Variants in PDZD2 observed in about 807,000 individuals in gnomAD.
PDZD2 encodes the protein PDZ domain-containing protein 2.
A neutral mutation model predicts 220.7 loss-of-function variants in PDZD2; 90 were observed. That is an observed-to-expected ratio of 0.41 (90% confidence interval 0.34 to 0.49). The LOEUF (loss-of-function observed/expected upper bound fraction) is 0.49, where lower values mean the gene tolerates loss of function less well. PDZD2 is among the 20% of genes least tolerant of loss of function. PDZD2 has a pLI of 0.28. For synonymous variants in PDZD2, 1,375 were observed against 1,450.5 expected, an observed-to-expected ratio of 0.95 and a Z score of 1.18; for missense variants, 3,174 against 3,608.5, an observed-to-expected ratio of 0.88 and a Z score of 3.08.
intron 2 of PDZD2, 78 bp downstream of exon 2, chr5:31,799,802 T>C: frequency 1.1e-6 from 1 of 905,794 alleles, no homozygotes; most frequent in Non-Finnish European, 1.8e-6. Context: ...GCTGCAGAGG[T>C]TTATGAATCC....
At position 31,890,135 on chromosome 5, in the gene PDZD2, A is replaced by ATTT. The variant is rs59916833; in HGVS notation, c.476+90428_476+90430dup. Among the ~76,000 whole-genome samples the ATTT allele has an allele frequency of 5.7e-4, 56 of 98,238 alleles. 1 individual carries two copies. Among genetic ancestry groups the ATTT allele is most frequent in the African/African-American group, 1.7e-3 (43 of 25,894 alleles). 64.4% of individuals were successfully genotyped at this position (98,238 alleles called of 152,430 possible). On this transcript the variant is annotated intron_variant, in intron 2 of 24. Coordinates refer to ENST00000438447, the MANE Select transcript of PDZD2 (RefSeq NM_178140.4). ...CAAGGCTGGGTTGTTCTTTTTTGTG[A>ATTT]TTTTTTTTTTTTTTTTTTTGTGGAG... is the stretch of plus-strand genomic sequence containing the variant.
chr5:31,749,635 G>T (rs1561429191), intron 1 of PDZD2, among the ~76,000 whole-genome samples: 1 of 152,250 alleles, frequency 6.6e-6, no homozygotes, highest in Non-Finnish European at 1.5e-5. Flanking sequence ...TGTTGGCCAG[G>T]CTGGTCTCGA....
At chr5:31,888,955 T>TA (rs1410196292) in intron 2 of PDZD2, among the ~76,000 whole-genome samples, 1 of 152,138 alleles carries the variant, frequency 6.6e-6, no homozygotes, top group Non-Finnish European at 1.5e-5. Context: ...AGGAGAAACT[T>TA]TAGACCAACC....
chr5:32,082,113 C>T (rs1429171016), intron 19 of PDZD2, among the ~76,000 whole-genome samples: 2 of 151,554 alleles, frequency 1.3e-5, no homozygotes, highest in Non-Finnish European at 2.9e-5. Flanking sequence ...CCTCTGCCTC[C>T]AGAGTTGAAG....
intron 1 of PDZD2, among the ~76,000 whole-genome samples, chr5:31,652,577 A>T (rs908668829): frequency 6.6e-6 from 1 of 152,244 alleles, no homozygotes; most frequent in Non-Finnish European, 1.5e-5. Flanking sequence ...CACATGCCAC[A>T]TAGAGAAAAG....
At chr5:31,844,686 G>A (rs1483619062) in intron 2 of PDZD2, among the ~76,000 whole-genome samples, 1 of 152,122 alleles carries the variant, frequency 6.6e-6, no homozygotes, top group Non-Finnish European at 1.5e-5. Flanking sequence ...GTAAGGAAAG[G>A]CACCAGCCCC....
Position 32,090,376 on chromosome 5 carries a change from G to A in PDZD2, c.6928G>A (p.Asp2310Asn), listed in dbSNP as rs1410604678. The change falls in exon 20 of 25, where the codon GAC becomes AAC. Residue 2310 changes from aspartate to asparagine, a missense_variant. This residue lies in a region of PDZD2 where 631 missense variants were observed against 789.9 expected (regional missense o/e 0.80). Transcript: ENST00000438447. The surrounding 1 kb of genome is among the most constrained non-coding windows in gnomAD (Gnocchi z 4.3). ...SVQETSCLVT[D>N]KIKVTRRHYC... Reference sequence around the variant, plus strand: ...CCAGGAGACGAGCTGCCTAGTCACAGACAAAATCAAAGTCACCAGACGACA... The same window carrying A: ...CCAGGAGACGAGCTGCCTAGTCACAAACAAAATCAAAGTCACCAGACGACA... 1 of 1,614,206 alleles carries A rather than the reference G, an allele frequency of 6.2e-7. No individual in the cohort carries two copies. The highest frequency in any genetic ancestry group is 8.5e-7 in the Non-Finnish European group (1 of 1,180,022).
intron 2 of PDZD2, among the ~76,000 whole-genome samples, chr5:31,940,995 A>G (rs1253302224): frequency 6.6e-6 from 1 of 152,074 alleles, no homozygotes; most frequent in Non-Finnish European, 1.5e-5. Context: ...AACAATTTAG[A>G]TTTCCACACA....
chr5:31,754,137 G>A (rs1751171154), intron 1 of PDZD2: 1 of 152,212 alleles, frequency 6.6e-6, no homozygotes, highest in Non-Finnish European at 1.5e-5. Context: ...TAAATTGTAG[G>A]TTTAATAATA....
chr5:31,934,951 G>T (rs1208460920), intron 2 of PDZD2, among the ~76,000 whole-genome samples: 3 of 152,136 alleles, frequency 2.0e-5, no homozygotes, highest in African/African-American at 7.2e-5. Flanking sequence ...TCTGGGCATG[G>T]TGGCGGGCGC....
chr5:31,968,213 C>T (rs1748935210), intron 2 of PDZD2, among the ~76,000 whole-genome samples: 1 of 152,052 alleles, frequency 6.6e-6, no homozygotes, highest in South Asian at 2.1e-4. Flanking sequence ...CGAAAATTAG[C>T]CAGGCGTGGT....
intron 2 of PDZD2, among the ~76,000 whole-genome samples, chr5:31,856,611 T>G (rs893721800): frequency 6.6e-6 from 1 of 152,086 alleles, no homozygotes; most frequent in East Asian, 1.9e-4. Flanking sequence ...CGTCCCTAAA[T>G]TTCCCAGCGG....
chr5:31,753,016 T>G (rs1751099334), intron 1 of PDZD2, among the ~76,000 whole-genome samples: 1 of 152,202 alleles, frequency 6.6e-6, no homozygotes, highest in Non-Finnish European at 1.5e-5. Flanking sequence ...ATGATTATTA[T>G]TTGAATTAAA....
At chr5:31,960,401 C>T (rs1410005001) in intron 2 of PDZD2, among the ~76,000 whole-genome samples, 2 of 152,004 alleles carry the variant, frequency 1.3e-5, no homozygotes, top group African/African-American at 4.8e-5. Flanking sequence ...TTTGTATTTT[C>T]AGTAGACACA....
At chr5:31,655,662 A>G (rs1162071560) in intron 1 of PDZD2, among the ~76,000 whole-genome samples, 2 of 152,158 alleles carry the variant, frequency 1.3e-5, no homozygotes, top group Non-Finnish European at 2.9e-5. Context: ...ACTTGTCGAG[A>G]AAGTGAATCA....
intron 1 of PDZD2, among the ~76,000 whole-genome samples, chr5:31,680,315 G>A (rs919823471): frequency 4.6e-5 from 7 of 152,090 alleles, no homozygotes; most frequent in South Asian, 4.2e-4. Flanking sequence ...GGATGGAGCC[G>A]GTGGGGAAAT....
chr5:31,709,948 T>C (rs937976135), intron 1 of PDZD2, among the ~76,000 whole-genome samples: 1 of 152,088 alleles, frequency 6.6e-6, no homozygotes, highest in Non-Finnish European at 1.5e-5. Flanking sequence ...AGAGTGAGAC[T>C]CCATCTCAAA....
intron 6 of PDZD2, among the ~76,000 whole-genome samples, chr5:32,019,405 A>G (rs1174304509): frequency 6.6e-6 from 1 of 152,176 alleles, no homozygotes; most frequent in Non-Finnish European, 1.5e-5. Flanking sequence ...CAGCCTCCCA[A>G]AGTACTGGGA....
rs931803158 is a variant in PDZD2 at position 31,805,562 on chromosome 5, C to T, written c.476+5838C>T. Among the ~76,000 whole-genome samples the T allele has an allele frequency of 2.0e-5, 3 of 152,126 alleles. No individual in the cohort carries two copies. In the South Asian group the frequency reaches 6.2e-4, roughly 32 times the overall value. ...GTCAACACACCAACTTACCTGCCAG[C>T]GTGATAAATGGTCCACACTAGCATA... On this transcript the variant is annotated intron_variant, in intron 2 of 24. Transcript: ENST00000438447.
Sources: gnomAD v4.1 joint callset for allele counts (sites outside exome capture counted in the v4.1 genomes callset) on GRCh38, gnomAD v4.1.1 for gene constraint, gnomAD v4.1.1 regional missense constraint, Gnocchi (gnomAD v3.1) non-coding constraint, MANE v1.5 for transcripts, NCBI Gene and HGNC (gene_info 2026-07-23, HGNC 2026-07-21) for gene names.